Variants in NEK11 observed in about 807,000 individuals in gnomAD.
The protein encoded by NEK11 is NIMA related kinase 11, also known as serine/threonine-protein kinase Nek11.
Under a neutral mutation model 80.7 loss-of-function variants are expected in NEK11, and 72 were observed. That is an observed-to-expected ratio of 0.89 (90% confidence interval 0.74 to 1.08). NEK11 has a LOEUF of 1.08. NEK11 is among the 50% of genes least tolerant of loss of function. NEK11 has a pLI of 0.00. For synonymous variants in NEK11, 251 were observed against 260.7 expected (o/e 0.96, Z 0.36); for missense variants, 764 against 763.6 (o/e 1.00, Z -0.01).
intron 14 of NEK11, among the ~76,000 whole-genome samples, chr3:131,182,209 T>C (rs1033264629): frequency 1.8e-4 from 27 of 151,970 alleles, no homozygotes; most frequent in African/African-American, 6.5e-4. Flanking sequence ...CTAATATCTT[T>C]TTCACTCATC....
intron 15 of NEK11, among the ~76,000 whole-genome samples, chr3:131,234,963 C>T (rs956268142): frequency 1.3e-5 from 2 of 151,866 alleles, no homozygotes; most frequent in Non-Finnish European, 2.9e-5. Flanking sequence ...CTACATTTTT[C>T]ACCCCAATAC....
At chr3:131,139,805 A>G (rs2086471557) in intron 7 of NEK11, among the ~76,000 whole-genome samples, 1 of 152,186 alleles carries the variant, frequency 6.6e-6, no homozygotes, top group African/African-American at 2.4e-5. Context: ...TGGAATCCCT[A>G]GTTGAGACTA....
chr3:131,169,439 T>C (rs1370482431), intron 13 of NEK11, among the ~76,000 whole-genome samples: 1 of 152,222 alleles, frequency 6.6e-6, no homozygotes, highest in African/African-American at 2.4e-5. Context: ...TTTCAGACCC[T>C]AGCTGACAAG....
chr3:131,037,178 A>G (rs2065773300), intron 3 of NEK11, among the ~76,000 whole-genome samples: 1 of 152,172 alleles, frequency 6.6e-6, no homozygotes. Flanking sequence ...AAGGAATGCA[A>G]GCTTCGGTCA....
intron 16 of NEK11, among the ~76,000 whole-genome samples, chr3:131,272,801 A>C (rs982439697): frequency 1.3e-5 from 2 of 152,102 alleles, no homozygotes; most frequent in African/African-American, 4.8e-5. Context: ...AATGGAAAGT[A>C]GTGTTGTTTC....
In NEK11 at chr3:131,169,974, G is replaced by A. The variant is rs75983998; in HGVS notation, c.1285-799G>A. 1.9e-3 allele frequency among the ~76,000 whole-genome samples: 283 copies of A among 152,274 alleles called. 3 individuals carry two copies. The highest frequency in any genetic ancestry group is 6.3e-3 in the African/African-American group (260 of 41,570). The stretch of plus-strand genomic sequence containing the variant: ...CAATTATTATGCGGTACAGAAAACT[G>A]ACTTCTTAAAAACACTTTATGATGA... On this transcript the variant is annotated intron_variant, in intron 13 of 17. Coordinates refer to ENST00000383366, the MANE Select transcript of NEK11 (RefSeq NM_024800.5).
chr3:131,036,663 G>T (rs1234687294), intron 3 of NEK11, among the ~76,000 whole-genome samples: 1 of 152,184 alleles, frequency 6.6e-6, no homozygotes, highest in African/African-American at 2.4e-5. Context: ...GTAGCCAGTG[G>T]TTTTCACAAT....
At chr3:131,234,974 C>T (rs1580648950) in intron 15 of NEK11, among the ~76,000 whole-genome samples, 2 of 151,956 alleles carry the variant, frequency 1.3e-5, no homozygotes, top group Admixed American at 1.3e-4. Context: ...ACCCCAATAC[C>T]AAAGCATGGA....
chr3:131,343,976 T>A (rs780618102), intron 17 of NEK11, among the ~76,000 whole-genome samples: 4 of 152,248 alleles, frequency 2.6e-5, no homozygotes, highest in Non-Finnish European at 5.9e-5. Context: ...CAAATATCTC[T>A]AGCAGGTGGT....
chr3:131,094,906 C>G (rs763191823), intron 4 of NEK11, among the ~76,000 whole-genome samples: 19 of 152,128 alleles, frequency 1.2e-4, no homozygotes, highest in Non-Finnish European at 2.4e-4. Flanking sequence ...GGATTATTTT[C>G]TCTCTCCTGT....
intron 4 of NEK11, among the ~76,000 whole-genome samples, chr3:131,085,463 A>G (rs934525717): frequency 5.9e-5 from 9 of 152,224 alleles, no homozygotes; most frequent in Admixed American, 5.9e-4. Flanking sequence ...AGTTGCTAAA[A>G]TACAAGGGGG....
chr3:131,097,870 C>A (rs1007630368), intron 4 of NEK11, among the ~76,000 whole-genome samples: 9 of 144,178 alleles, frequency 6.2e-5, no homozygotes, highest in African/African-American at 2.0e-4. Context: ...GCCAAAAGAA[C>A]AAAGCTGGAG....
At chr3:131,185,937 A>G (rs905026343) in intron 14 of NEK11, among the ~76,000 whole-genome samples, 2 of 152,168 alleles carry the variant, frequency 1.3e-5, no homozygotes, top group African/African-American at 4.8e-5. Context: ...CAAAAAATTT[A>G]ATATTCCCAA....
intron 14 of NEK11, among the ~76,000 whole-genome samples, chr3:131,191,166 A>G (rs569102811): frequency 9.8e-5 from 15 of 152,308 alleles, no homozygotes; most frequent in African/African-American, 3.6e-4. Context: ...ATACCTAGAA[A>G]AAATAATACT....
chr3:131,217,320 G>A (rs2107610302), intron 14 of NEK11, among the ~76,000 whole-genome samples: 1 of 152,248 alleles, frequency 6.6e-6, no homozygotes. Context: ...GCATGGGGGA[G>A]GGAGAGACTG....
chr3:131,250,434 G>A (rs539445935), intron 16 of NEK11, among the ~76,000 whole-genome samples: 1 of 152,046 alleles, frequency 6.6e-6, no homozygotes, highest in Non-Finnish European at 1.5e-5. Flanking sequence ...TCAATCAAGT[G>A]TGAGAAAGGA....
chr3:131,273,517 CA>C lies in NEK11; in HGVS notation c.1662del (p.Gly555AspfsTer8). On this transcript the variant is annotated frameshift_variant, in exon 17 of 18. Coordinates refer to ENST00000383366, the MANE Select transcript of NEK11 (RefSeq NM_024800.5). LOFTEE classifies it high-confidence loss of function. ...TITTMAEDMS[P>X]GPPIFNSVMA... ...ACCACCATGGCTGAAGACATGTCCCCAGGACCACCAATTTTCAACAGTGTGA... is the reference window on the plus strand; with the variant it reads ...ACCACCATGGCTGAAGACATGTCCCCGGACCACCAATTTTCAACAGTGTGA... 1 of 1,614,052 alleles carries C rather than the reference CA, an allele frequency of 6.2e-7. No homozygotes were observed. Among genetic ancestry groups the C allele is most frequent in the Admixed American group, 1.7e-5 (1 of 60,026 alleles).
chr3:131,193,018 G>A (rs1289110405), intron 14 of NEK11, among the ~76,000 whole-genome samples: 1 of 151,986 alleles, frequency 6.6e-6, no homozygotes, highest in East Asian at 1.9e-4. Flanking sequence ...TGTTTACATG[G>A]TTATATCTAT....
intron 3 of NEK11, among the ~76,000 whole-genome samples, chr3:131,041,050 A>C (rs1188064712): frequency 5.3e-5 from 8 of 152,190 alleles, no homozygotes; most frequent in Non-Finnish European, 1.2e-4. Context: ...TCATCTCATA[A>C]GCCTCATACA....
Sources: allele counts gnomAD v4.1 joint callset (sites outside exome capture counted in the v4.1 genomes callset), GRCh38; gene constraint gnomAD v4.1.1; transcripts MANE v1.5; gene names NCBI Gene and HGNC (gene_info 2026-07-23, HGNC 2026-07-21).